Variants in MCM8 observed in about 807,000 individuals in gnomAD.
MCM8 encodes DNA helicase MCM8.
In MCM8, 85 loss-of-function variants were observed where a neutral mutation model predicts 98.9. The observed-to-expected ratio is 0.86, with a 90% CI of 0.72 to 1.03. MCM8 has a LOEUF of 1.03. MCM8 is among the 50% of genes least tolerant of loss of function. MCM8 has a pLI of 0.00. For missense variants in MCM8, 951 were observed against 997.8 expected, an observed-to-expected ratio of 0.95 and a Z score of 0.63; for synonymous variants, 352 against 338.6, an observed-to-expected ratio of 1.04 and a Z score of -0.44.
intron 15 of MCM8, 56 bp downstream of exon 15, chr20:5,985,056 G>T (rs2089703031): frequency 2.1e-6 from 3 of 1,435,270 alleles, no homozygotes; most frequent in Non-Finnish European, 2.9e-6. Context: ...TCAAAGTTCA[G>T]TGTGTGGCTT....
chr20:5,995,029 A>G lies in MCM8; in HGVS notation c.*638A>G, dbSNP rs547217434. 157 of 168,200 alleles carry G rather than the reference A, an allele frequency of 9.3e-4. 1 individual carries two copies. The highest frequency in any genetic ancestry group is 3.1e-3 in the Middle Eastern group (1 of 324). The allele number at this position is 168,200 out of a possible 1,614,324, so 10.4% of individuals were successfully genotyped here. A position where few individuals can be genotyped will look rare whatever the true frequency, so the allele number is the denominator to read the frequency against. On this transcript the variant is annotated 3_prime_UTR_variant, in exon 19 of 19. Coordinates refer to ENST00000610722, the MANE Select transcript of MCM8 (RefSeq NM_032485.6). ...TAGTTGTATTTTTGACCTGCCTTTT[A>G]TATGTATGAATATTTCATAGTTTTG...
intron 6 of MCM8, 78 bp downstream of exon 6, chr20:5,957,307 T>C: frequency 9.7e-7 from 1 of 1,035,414 alleles, no homozygotes; most frequent in Non-Finnish European, 1.4e-6. Flanking sequence ...GCTCATTTTA[T>C]AAAAATGAGG....
At chr20:5,990,578 TA>T (rs2089831040) in intron 17 of MCM8, among the ~76,000 whole-genome samples, 1 of 152,146 alleles carries the variant, frequency 6.6e-6, no homozygotes, top group South Asian at 2.1e-4. Context: ...AACTTGCTGC[TA>T]GGGGCATGGT....
At chr20:5,980,922 C>T (rs1468969938) in intron 13 of MCM8, among the ~76,000 whole-genome samples, 3 of 142,372 alleles carry the variant, frequency 2.1e-5, no homozygotes, top group African/African-American at 5.1e-5. Flanking sequence ...TGCTTTAAAA[C>T]AAGGGGTCAT....
rs1229374086 is a variant in MCM8, at chr20:5,998,255, A to T, written c.*3864A>T. 6.6e-6 allele frequency: 1 copy of T among 152,182 alleles called. No individual in the cohort carries two copies. The highest frequency in any genetic ancestry group is 1.5e-5 in the Non-Finnish European group (1 of 68,040). 9.4% of individuals were successfully genotyped at this position (152,182 alleles called of 1,614,324 possible). On this transcript the variant is annotated 3_prime_UTR_variant, in exon 19 of 19. Transcript: ENST00000610722. ...TGCTCTCCTAGTGTGCCTTCCTATA[A>T]TGCAGGGGCTGGAAGGTGAGAAAAT...
chr20:5,987,898 A>T (rs1347022386), intron 17 of MCM8, among the ~76,000 whole-genome samples: 1 of 152,176 alleles, frequency 6.6e-6, no homozygotes, highest in African/African-American at 2.4e-5. Flanking sequence ...CACCTACGTG[A>T]TAAATTCTCA....
chr20:5,978,535 G>A (rs1375132559), intron 13 of MCM8, among the ~76,000 whole-genome samples: 1 of 152,156 alleles, frequency 6.6e-6, no homozygotes, highest in South Asian at 2.1e-4. Flanking sequence ...CAGAGGACTT[G>A]CAATAGGAGA....
chr20:5,966,879 A>T (rs2089286049), intron 8 of MCM8, among the ~76,000 whole-genome samples: 1 of 152,146 alleles, frequency 6.6e-6, no homozygotes, highest in Non-Finnish European at 1.5e-5. Context: ...TTGCCAGATG[A>T]TAAAGTACGC....
rs2089989013 is a variant in MCM8 at position 5,998,815 on chromosome 20, C to T, written c.*4424C>T. ...AACTACCTACTCGTTTTATTTAACC[C>T]TCAGAAGAACTGAAAACAAAAGCTA... On this transcript the variant is annotated 3_prime_UTR_variant, in exon 19 of 19. Coordinates refer to ENST00000610722, the MANE Select transcript of MCM8 (RefSeq NM_032485.6). 6.6e-6 allele frequency: 1 copy of T among 152,132 alleles called. No homozygotes were observed. Among genetic ancestry groups the T allele is most frequent in the South Asian group, 2.1e-4 (1 of 4,826 alleles). The allele number at this position is 152,132 out of a possible 1,614,324, so 9.4% of individuals were successfully genotyped here.
chr20:5,974,833 T>C (rs1453678671), intron 12 of MCM8, among the ~76,000 whole-genome samples: 2 of 152,224 alleles, frequency 1.3e-5, no homozygotes, highest in African/African-American at 2.4e-5. Context: ...TCCATAGATA[T>C]TTCATCTATG....
intron 10 of MCM8, among the ~76,000 whole-genome samples, chr20:5,970,388 G>A (rs554006010): frequency 6.6e-6 from 1 of 152,354 alleles, no homozygotes; most frequent in South Asian, 2.1e-4. Flanking sequence ...GGCAGCCAGT[G>A]TAGGTGCCTT....
chr20:5,993,393 C>A, intron 17 of MCM8, 113 bp from the exon 18 acceptor site: 2 of 670,150 alleles, frequency 3.0e-6, no homozygotes, highest in Non-Finnish European at 4.7e-6. Context: ...GAAATGTTTG[C>A]TAAGTGAGCC....
intron 7 of MCM8, among the ~76,000 whole-genome samples, 189 bp downstream of exon 7, chr20:5,958,915 A>C (rs1355845504): frequency 1.3e-5 from 2 of 152,214 alleles, no homozygotes; most frequent in Non-Finnish European, 2.9e-5. Context: ...TCCACTACTC[A>C]TCACCCCGAA....
chr20:5,953,201 A>C (rs528312914), intron 3 of MCM8, among the ~76,000 whole-genome samples: 2 of 152,340 alleles, frequency 1.3e-5, no homozygotes, highest in Non-Finnish European at 2.9e-5. Context: ...CAGAATTTAA[A>C]GAGAATCTGA....
intron 8 of MCM8, among the ~76,000 whole-genome samples, chr20:5,963,635 C>T (rs2089206867): frequency 6.7e-6 from 1 of 150,036 alleles, no homozygotes; most frequent in African/African-American, 2.5e-5. Flanking sequence ...TCATGCCACT[C>T]TCCTGCCTCA....
Position 5,962,668 on chromosome 20 carries a change from C to G in MCM8, c.790-606C>G, listed in dbSNP as rs1307181501. On this transcript the variant is annotated intron_variant, in intron 7 of 18. Transcript: ENST00000610722. ...GGATTACAGGCGTGAGCCACCGCGC[C>G]CGGCCTTCATTTCTTAATGGAGGAG... 2.9e-5 allele frequency among the ~76,000 whole-genome samples: 2 copies of G among 68,590 alleles called. 1 individual carries two copies. Among genetic ancestry groups the G allele is most frequent in the East Asian group, 1.1e-3 (2 of 1,748 alleles). The allele number at this position is 68,590 out of a possible 152,430, so 45.0% of individuals were successfully genotyped here. A position where few individuals can be genotyped will look rare whatever the true frequency, so the allele number is the denominator to read the frequency against.
rs2088843051 is a variant in MCM8 at position 5,952,070 on chromosome 20, A to G, written c.55A>G (p.Lys19Glu). The stretch of plus-strand genomic sequence containing the variant: ...TGGACGAGGAAGATTTCAAAGCTGG[A>G]AAAGGGGAAGAGGTGGTGGGAACTT... ...GFGRGRFQSW[K>E]RGRGGGNFSG... Residue 19 changes from lysine to glutamate, a missense_variant, in exon 2 of 19, where the codon AAA becomes GAA. Coordinates refer to ENST00000610722, the MANE Select transcript of MCM8 (RefSeq NM_032485.6). The G allele has an allele frequency of 1.9e-6, 3 of 1,614,110 alleles. No individual in the cohort carries two copies. Among genetic ancestry groups the G allele is most frequent in the Non-Finnish European group, 2.5e-6 (3 of 1,179,992 alleles).
intron 3 of MCM8, among the ~76,000 whole-genome samples, chr20:5,953,093 A>G (rs1029949473): frequency 6.6e-6 from 1 of 152,242 alleles, no homozygotes; most frequent in Non-Finnish European, 1.5e-5. Flanking sequence ...CACTATCGTT[A>G]TCTTCTGCAG....
chr20:5,972,679 C>G (rs1457810747), intron 11 of MCM8: 3 of 1,092,844 alleles, frequency 2.7e-6, no homozygotes, highest in Middle Eastern at 2.3e-4. Flanking sequence ...CTCAGCCTGC[C>G]GAGTAGCTGG....
Sources: allele counts gnomAD v4.1 joint callset (sites outside exome capture counted in the v4.1 genomes callset), GRCh38; gene constraint gnomAD v4.1.1; transcripts MANE v1.5; gene names NCBI Gene and HGNC (gene_info 2026-07-23, HGNC 2026-07-21).